PCNX2: variants seen among roughly 807,000 people sequenced by gnomAD.
PCNX2 encodes pecanex-like protein 2.
PCNX2 carries 168 observed loss-of-function variants against 223.8 expected under a neutral mutation model. The observed-to-expected ratio is 0.75, with a 90% CI of 0.66 to 0.85. The LOEUF is 0.85. PCNX2 is among the 40% of genes least tolerant of loss of function. The probability of loss-of-function intolerance (pLI) is 0.00; values close to 1 mark genes in which losing one functional copy is unlikely to be tolerated. For missense variants in PCNX2, 2,507 were observed against 2,675.5 expected, an observed-to-expected ratio of 0.94 and a Z score of 1.39; for synonymous variants, 1,006 against 1,052.6, an observed-to-expected ratio of 0.96 and a Z score of 0.86.
In PCNX2 at chr1:233,157,070, T is replaced by C. The variant is rs140295039; in HGVS notation, c.3517+3213A>G. Among the ~76,000 whole-genome samples, 1,332 of 152,102 alleles carry C rather than the reference T, an allele frequency of 8.8e-3. 3 individuals are homozygous for C. The highest frequency in any genetic ancestry group is 0.013 in the Non-Finnish European group (903 of 67,986). On this transcript the variant is annotated intron_variant, in intron 19 of 33. Coordinates refer to ENST00000258229, the MANE Select transcript of PCNX2 (RefSeq NM_014801.4). ...AAGCCACAAGAATGCCTAGAATCGA[T>C]TGTGGAAAGTCTCTATCAAATCAGG...
chr1:233,218,216 A>G (rs766239628), intron 10 of PCNX2, 32 bp from the exon 11 acceptor site: 3 of 752,646 alleles, frequency 4.0e-6, no homozygotes, highest in Admixed American at 5.2e-5. Flanking sequence ...AAGCAAAAAA[A>G]AAAAAAAAAA....
At chr1:233,068,031 T>G (rs1234053821) in intron 23 of PCNX2, among the ~76,000 whole-genome samples, 1 of 152,012 alleles carries the variant, frequency 6.6e-6, no homozygotes. Flanking sequence ...TAGTCAAGCT[T>G]CTAAAATATA....
intron 8 of PCNX2, among the ~76,000 whole-genome samples, chr1:233,244,248 A>G (rs1658965339): frequency 6.6e-6 from 1 of 152,244 alleles, no homozygotes; most frequent in Admixed American, 6.5e-5. Context: ...ACAAAAAGTA[A>G]ATATCAGTGC....
At chr1:233,172,607 C>G in intron 17 of PCNX2, 1 of 932,982 alleles carries the variant, frequency 1.1e-6, no homozygotes, top group Non-Finnish European at 1.3e-6. Context: ...ACCTGGGCTT[C>G]AATTCCTGTT....
intron 22 of PCNX2, among the ~76,000 whole-genome samples, chr1:233,093,798 G>T (rs893813921): frequency 9.2e-5 from 14 of 152,080 alleles, no homozygotes; most frequent in Non-Finnish European, 5.9e-5. Flanking sequence ...AAAACAAGGG[G>T]ATCCACTGAG....
upstream of PCNX2, among the ~76,000 whole-genome samples, chr1:233,298,546 A>G (rs145479751): frequency 3.8e-3 from 577 of 152,328 alleles, 3 homozygotes; most frequent in African/African-American, 0.012. Flanking sequence ...ATGCAGGTGC[A>G]ATGGTCAAGA....
intron 23 of PCNX2, among the ~76,000 whole-genome samples, chr1:233,081,509 GA>G (rs1378358412): frequency 6.6e-6 from 1 of 152,090 alleles, no homozygotes; most frequent in Non-Finnish European, 1.5e-5. Flanking sequence ...TTAGCGTCTG[GA>G]GCTGTAAGAA....
At chr1:233,280,298 C>CT (rs34738587) in intron 1 of PCNX2, among the ~76,000 whole-genome samples, 15,756 of 115,824 alleles carry the variant, frequency 0.14, 1,139 homozygotes, top group South Asian at 0.2. Context: ...TCCATATTAC[C>CT]TTTTTTTTTT....
rs550463998 is a variant in PCNX2 at position 233,216,496 on chromosome 1, T to C, written c.2691+1403A>G. ...TGCAAGTTAAAACCACAATGAGCTA[T>C]TACCTCATGCCTGTTATGATAGCTT... On this transcript the variant is annotated intron_variant, in intron 12 of 33. Transcript: ENST00000258229. Among the ~76,000 whole-genome samples, 19 of 152,298 alleles carry C rather than the reference T, an allele frequency of 1.2e-4. 1 individual carries two copies. In the South Asian group the frequency reaches 2.7e-3, roughly 22 times the overall value.
chr1:233,250,001 A>G (rs529341817), intron 8 of PCNX2, among the ~76,000 whole-genome samples: 52 of 152,356 alleles, frequency 3.4e-4, no homozygotes, highest in African/African-American at 1.2e-3. Flanking sequence ...TTAGATGTGA[A>G]GCACAAGACA....
intron 1 of PCNX2, chr1:233,291,606 C>T: frequency 2.9e-6 from 2 of 689,446 alleles, no homozygotes; most frequent in Non-Finnish European, 3.5e-6. Context: ...GAAACTCTGT[C>T]TCAAAAAAAA....
intron 10 of PCNX2, among the ~76,000 whole-genome samples, chr1:233,223,530 G>A (rs1220058906): frequency 6.6e-6 from 1 of 152,108 alleles, no homozygotes; most frequent in African/African-American, 2.4e-5. Context: ...GTGCCATGGT[G>A]GTTTGCTGCA....
At chr1:233,316,956 T>G in the PCNX2 span, among the ~76,000 whole-genome samples, 1 of 152,252 alleles carries the variant, frequency 6.6e-6, no homozygotes, top group Non-Finnish European at 1.5e-5. Flanking sequence ...TATTCACCAT[T>G]ATATTCCAAA....
At chr1:233,052,102 C>T in intron 25 of PCNX2, among the ~76,000 whole-genome samples, 1 of 152,078 alleles carries the variant, frequency 6.6e-6, no homozygotes, top group East Asian at 1.9e-4. Flanking sequence ...CAAACTAAGC[C>T]CCCTAAATTA....
intron 17 of PCNX2, among the ~76,000 whole-genome samples, chr1:233,163,873 A>T (rs1391084644): frequency 6.6e-6 from 1 of 152,108 alleles, no homozygotes; most frequent in East Asian, 1.9e-4. Context: ...TCAACAGTTC[A>T]TTCCTTTTCA....
the PCNX2 span, among the ~76,000 whole-genome samples, chr1:233,311,464 T>A: frequency 6.6e-6 from 1 of 152,248 alleles, no homozygotes; most frequent in Admixed American, 6.5e-5. Flanking sequence ...TTGCCAGTTC[T>A]TGGCTCCATT....
chr1:232,984,401 A>G lies in PCNX2; in HGVS notation c.6317T>C (p.Val2106Ala). Reference sequence around the variant, plus strand: ...GCAGACAACCCCGAGAGTGTCCGCCACAGCCTCAGCCAGACATCGGTCATG... The same window carrying G: ...GCAGACAACCCCGAGAGTGTCCGCCGCAGCCTCAGCCAGACATCGGTCATG... ...QLHDRCLAEA[V>A]ADTLGVVCRR... The change falls in exon 34 of 34, where the codon GTG becomes GCG. Residue 2106 changes from valine (V) to alanine (A), a missense_variant. Val to Ala is a moderately conservative substitution (Grantham distance 64). This residue lies in a region of PCNX2 where 1,372 missense variants were observed against 1,509.4 expected (regional missense o/e 0.91). Coordinates refer to ENST00000258229, the MANE Select transcript of PCNX2 (RefSeq NM_014801.4). 1 of 1,613,684 alleles carries G rather than the reference A, an allele frequency of 6.2e-7. No individual in the cohort carries two copies. Among genetic ancestry groups the G allele is most frequent in the Non-Finnish European group, 8.5e-7 (1 of 1,179,820 alleles).
chr1:233,234,410 T>C (rs1293504488), intron 9 of PCNX2, among the ~76,000 whole-genome samples: 1 of 152,196 alleles, frequency 6.6e-6, no homozygotes, highest in Non-Finnish European at 1.5e-5. Context: ...TATAGAACTT[T>C]AAAATTTTTT....
Position 233,146,471 on chromosome 1 carries a change from T to G in PCNX2, c.3518-6616A>C, listed in dbSNP as rs547512866. ...TATTTTAATCTCTCATAAAGTACAATCAGTTACAGTTAAGTTTCTTTCTGT... is the reference window on the plus strand; with the variant it reads ...TATTTTAATCTCTCATAAAGTACAAGCAGTTACAGTTAAGTTTCTTTCTGT... On this transcript the variant is annotated intron_variant, in intron 19 of 33. Coordinates refer to ENST00000258229, the MANE Select transcript of PCNX2 (RefSeq NM_014801.4). Among the ~76,000 whole-genome samples the G allele has an allele frequency of 8.0e-4, 122 of 152,366 alleles. 1 individual carries two copies. Among genetic ancestry groups the G allele is most frequent in the Non-Finnish European group, 1.5e-3 (102 of 68,044 alleles).
Sources: gnomAD v4.1 joint callset for allele counts (sites outside exome capture counted in the v4.1 genomes callset) on GRCh38, gnomAD v4.1.1 for gene constraint, gnomAD v4.1.1 regional missense constraint, MANE v1.5 for transcripts, NCBI Gene and HGNC (gene_info 2026-07-23, HGNC 2026-07-21) for gene names.